Variants in TEAD2 observed in about 807,000 individuals in gnomAD.
TEAD2 encodes TEA domain transcription factor 2.
Under a neutral mutation model 61.4 loss-of-function variants are expected in TEAD2, and 51 were observed. The observed-to-expected ratio is 0.83, with a 90% CI of 0.66 to 1.05. The LOEUF is 1.05. Among genes scored for constraint, TEAD2 ranks in the 50% least tolerant of loss-of-function variants. The pLI is 0.00. For missense variants in TEAD2, 509 were observed against 600.0 expected (o/e 0.85, Z 1.58); for synonymous variants, 244 against 243.2 (o/e 1.00, Z -0.03).
chr19:49,348,282 C>G (rs1485501918), intron 9 of TEAD2, among the ~76,000 whole-genome samples: 1 of 152,220 alleles, frequency 6.6e-6, no homozygotes, highest in Non-Finnish European at 1.5e-5. Flanking sequence ...CCCACTCCAT[C>G]CTAGCCCAGG....
At chr19:49,356,126 GA>G (rs1271429065) in intron 4 of TEAD2, 156 bp from the exon 5 acceptor site, 1 of 500,216 alleles carries the variant, frequency 2.0e-6, no homozygotes, top group East Asian at 3.5e-5. Flanking sequence ...ACAGGAAGTG[GA>G]GGTGGCCAGC....
intron 10 of TEAD2, among the ~76,000 whole-genome samples, chr19:49,343,906 T>C (rs958434699): frequency 8.7e-5 from 13 of 149,190 alleles, no homozygotes; most frequent in Admixed American, 8.1e-4. Flanking sequence ...TGTGTGGTGG[T>C]ACAATCACAG....
Position 49,343,855 on chromosome 19 carries a change from T to TGGG in TEAD2, c.922-460_922-458dup, listed in dbSNP as rs549395579. 5.3e-3 allele frequency among the ~76,000 whole-genome samples: 605 copies of TGGG among 113,346 alleles called. 9 individuals are homozygous for TGGG. The highest frequency in any genetic ancestry group is 0.014 in the African/African-American group (427 of 30,050). The allele number at this position is 113,346 out of a possible 152,430, so 74.4% of individuals were successfully genotyped here. A position where few individuals can be genotyped will look rare whatever the true frequency, so the allele number is the denominator to read the frequency against. On this transcript the variant is annotated intron_variant, in intron 10 of 12. Coordinates refer to ENST00000593945, the MANE Select transcript of TEAD2 (RefSeq NM_001256660.2). ...TTTGTTGTTTGTTTGTCTTTTTTTT[T>TGGG]GGGGGGGGGGGAACAGGGTCTTGCT...
intron 1 of TEAD2, 24 bp downstream of exon 1, chr19:49,362,309 A>C (rs776374629): frequency 6.6e-6 from 1 of 152,178 alleles, no homozygotes; most frequent in African/African-American, 2.4e-5. Context: ...CCTAAGAAGC[A>C]ACTCCCCACC....
At chr19:49,361,943 T>G (rs1972979834) in intron 1 of TEAD2, 1 of 152,488 alleles carries the variant, frequency 6.6e-6, no homozygotes, top group South Asian at 2.1e-4. Context: ...CCCCAGACCC[T>G]AAACCTCCAA....
rs1971231973 is a variant in TEAD2, at chr19:49,341,118, TC to T, written c.*205del. 9 of 552,528 alleles carry T rather than the reference TC, an allele frequency of 1.6e-5. No individual in the cohort carries two copies. The South Asian group carries it at 1.7e-4, about 11-fold the overall frequency. The allele number at this position is 552,528 out of a possible 1,614,324, so 34.2% of individuals were successfully genotyped here. ...TGTGAGGTCCCAATATCGGGGTTTATCCTTTCCTCAGTCCCAGCCTGTTCAG... is the reference window on the plus strand; with the variant it reads ...TGTGAGGTCCCAATATCGGGGTTTATCTTTCCTCAGTCCCAGCCTGTTCAG... On this transcript the variant is annotated 3_prime_UTR_variant, in exon 13 of 13. Transcript: ENST00000593945. This position sits in a 1 kb window ranked among gnomAD's most constrained non-coding sequence, Gnocchi z 4.2.
At chr19:49,354,185 T>A (rs2146515197) in intron 7 of TEAD2, among the ~76,000 whole-genome samples, 1 of 151,274 alleles carries the variant, frequency 6.6e-6, no homozygotes, top group South Asian at 2.1e-4. Context: ...CTAGCCTGGA[T>A]CCATCAGTTC....
chr19:49,355,360 G>C lies in TEAD2; in HGVS notation c.432C>G (p.Leu144=). The change falls in exon 6 of 13, where the codon CTC becomes CTG. Residue 144 remains leucine, a synonymous_variant. Transcript: ENST00000593945. Reference sequence around the variant, plus strand: ...TGGCCTGCAGAGAAGGCGCGGAGATGAGCTGGGCAGAGGACATGGTTGCCA... The same window carrying C: ...TGGCCTGCAGAGAAGGCGCGGAGATCAGCTGGGCAGAGGACATGGTTGCCA... ...QTMATMSSAQ[L]ISAPSLQAKL... 6.2e-7 allele frequency: 1 copy of C among 1,614,216 alleles called. No homozygotes were observed. Among genetic ancestry groups the C allele is most frequent in the Non-Finnish European group, 8.5e-7 (1 of 1,180,046 alleles).
intron 3 of TEAD2, chr19:49,357,866 G>A (rs538349942): frequency 7.6e-5 from 12 of 158,526 alleles, no homozygotes; most frequent in African/African-American, 2.9e-4. Context: ...GGGAGGCCTA[G>A]ATGGGCAGAT....
chr19:49,343,495 T>C (rs1270572454), intron 10 of TEAD2, 97 bp from the exon 11 acceptor site: 2 of 1,398,236 alleles, frequency 1.4e-6, no homozygotes, highest in Non-Finnish European at 1.9e-6. Flanking sequence ...ATCCCAGTAC[T>C]TTGGGAGGCC....
In TEAD2 at chr19:49,342,561, T is replaced by C. The variant is rs1971370100; in HGVS notation, c.1119A>G (p.Arg373=). ...ETERAQLEDG[R]FVYRLLRSPM... ...GCGAGCGCAGCAGGCGGTACACAAA[T>C]CTGCCGTCCTCCAGCTGGGCCCGTT... is the stretch of plus-strand genomic sequence containing the variant. The change falls in exon 12 of 13, where the codon AGA becomes AGG. Residue 373 remains arginine (R), a synonymous_variant. Transcript: ENST00000593945. 4 of 1,613,660 alleles carry C rather than the reference T, an allele frequency of 2.5e-6. No individual in the cohort carries two copies. Among genetic ancestry groups the C allele is most frequent in the Non-Finnish European group, 3.4e-6 (4 of 1,179,800 alleles).
In TEAD2 at chr19:49,342,537, C is replaced by G; in HGVS notation, c.1143G>C (p.Ser381=). The change falls in exon 12 of 13, where the codon TCG becomes TCC. Residue 381 remains serine, a synonymous_variant. Transcript: ENST00000593945. Reference sequence around the variant, plus strand: ...AATTCACCAGGTACTCGCACATGGGCGAGCGCAGCAGGCGGTACACAAATC... The same window carrying G: ...AATTCACCAGGTACTCGCACATGGGGGAGCGCAGCAGGCGGTACACAAATC... The part of the protein sequence containing the change: ...DGRFVYRLLR[S]PMCEYLVNFL... 2 of 1,614,098 alleles carry G rather than the reference C, an allele frequency of 1.2e-6. No homozygotes were observed. Among genetic ancestry groups the G allele is most frequent in the Non-Finnish European group, 1.7e-6 (2 of 1,179,982 alleles).
chr19:49,348,982 A>C, intron 8 of TEAD2, 137 bp from the exon 9 acceptor site: 2 of 1,210,650 alleles, frequency 1.7e-6, no homozygotes, highest in South Asian at 3.5e-5. Context: ...TGCAGTTAGA[A>C]GTGGCCATGT....
rs752489586 is a variant in TEAD2 at position 49,359,459 on chromosome 19, C to T, written c.273G>A (p.Thr91=). 41 of 1,613,944 alleles carry T rather than the reference C, an allele frequency of 2.5e-5. No homozygotes were observed. Among genetic ancestry groups the T allele is most frequent in the Non-Finnish European group, 3.1e-5 (36 of 1,180,012 alleles). The change falls in exon 3 of 13, where the codon ACG becomes ACA. Residue 91 remains threonine, a synonymous_variant. Transcript: ENST00000593945. This position sits in a 1 kb window ranked among gnomAD's most constrained non-coding sequence, Gnocchi z 4.1. ...ELIARYIKLR[T]GKTRTRKQVS... ...CCTGTTTTCGAGTTCGGGTCTTCCC[C>T]GTTCTCAGCTTGATGTAGCGGGCGA... is the stretch of plus-strand genomic sequence containing the variant.
At position 49,348,706 on chromosome 19, in the gene TEAD2, A is replaced by G. The variant is rs762599312; in HGVS notation, c.744T>C (p.Asp248=). The G allele has an allele frequency of 1.9e-6, 3 of 1,614,084 alleles. No individual in the cohort carries two copies. The Admixed American group carries it at 5.0e-5, about 27-fold the overall frequency. ...ACTGTACCAAAATTTCACTCACAGA[A>G]TCAACTGCATCTGGCGGTTCCACGA... ...SAFVEPPDAV[D]SYQRHLFVHI... The change falls in exon 9 of 13, where the codon GAT becomes GAC. Residue 248 remains aspartate (D), a synonymous_variant. Coordinates refer to ENST00000593945, the MANE Select transcript of TEAD2 (RefSeq NM_001256660.2).
Position 49,341,288 on chromosome 19 carries a change from G to A in TEAD2, c.*36C>T. On this transcript the variant is annotated 3_prime_UTR_variant, in exon 13 of 13. Coordinates refer to ENST00000593945, the MANE Select transcript of TEAD2 (RefSeq NM_001256660.2). This position sits in a 1 kb window ranked among gnomAD's most constrained non-coding sequence, Gnocchi z 4.2. ...CTGGAGGACCCTCCCTGGGAGGAGGGTGTTCTGGGGGGTGAGCCAGTTTTG... is the reference window on the plus strand; with the variant it reads ...CTGGAGGACCCTCCCTGGGAGGAGGATGTTCTGGGGGGTGAGCCAGTTTTG... 3 of 1,559,844 alleles carry A rather than the reference G, an allele frequency of 1.9e-6. No individual in the cohort carries two copies. Among genetic ancestry groups the A allele is most frequent in the Non-Finnish European group, 1.8e-6 (2 of 1,131,484 alleles).
At chr19:49,346,870 G>A (rs1197416984) in intron 10 of TEAD2, among the ~76,000 whole-genome samples, 2 of 152,152 alleles carry the variant, frequency 1.3e-5, no homozygotes, top group Admixed American at 1.3e-4. Flanking sequence ...GCAGTCAGGT[G>A]GGGCACAGGG....
chr19:49,359,605 A>T lies in TEAD2; in HGVS notation c.233-106T>A. 1 of 1,355,302 alleles carries T rather than the reference A, an allele frequency of 7.4e-7. No homozygotes were observed. Among genetic ancestry groups the T allele is most frequent in the Non-Finnish European group, 1.0e-6 (1 of 955,214 alleles). The allele number at this position is 1,355,302 out of a possible 1,614,324, so 84.0% of individuals were successfully genotyped here. A position where few individuals can be genotyped will look rare whatever the true frequency, so the allele number is the denominator to read the frequency against. On this transcript the variant is annotated intron_variant, in intron 2 of 12. Transcript: ENST00000593945. This position sits in a 1 kb window ranked among gnomAD's most constrained non-coding sequence, Gnocchi z 4.1. ...GCAGCATGGGTCCCCAAAGGTCTGC[A>T]GCAAGTGGGCTGCCGGTCCCCTCAG...
At chr19:49,343,110 C>CTTT in intron 11 of TEAD2, 121 bp downstream of exon 11, 1 of 1,211,282 alleles carries the variant, frequency 8.3e-7, no homozygotes, top group Non-Finnish European at 1.1e-6. Flanking sequence ...ATGCATTAAA[C>CTTT]CCTCAAAGAG....
Sources: gnomAD v4.1 joint callset for allele counts (sites outside exome capture counted in the v4.1 genomes callset) on GRCh38, gnomAD v4.1.1 for gene constraint, Gnocchi (gnomAD v3.1) non-coding constraint, MANE v1.5 for transcripts, NCBI Gene and HGNC (gene_info 2026-07-23, HGNC 2026-07-21) for gene names.